Variants in ABCC1 observed in about 807,000 individuals in gnomAD.
ABCC1 encodes multidrug resistance-associated protein 1.
ABCC1 carries 83 observed loss-of-function variants against 172.9 expected under a neutral mutation model. The observed-to-expected ratio is 0.48, with a 90% CI of 0.40 to 0.58. ABCC1 has a LOEUF of 0.58. Among genes scored for constraint, ABCC1 ranks in the 20% least tolerant of loss-of-function variants. The pLI is 0.00. For missense variants in ABCC1, 1,817 were observed against 2,002.7 expected (o/e 0.91, Z 1.77); for synonymous variants, 937 against 825.2 (o/e 1.14, Z -2.32).
intron 17 of ABCC1, among the ~76,000 whole-genome samples, chr16:16,085,381 T>A (rs1368784294): frequency 6.6e-6 from 1 of 152,262 alleles, no homozygotes; most frequent in Non-Finnish European, 1.5e-5. Context: ...TGCAAAGCAC[T>A]GGCCCATTTC....
At chr16:16,122,499 C>T (rs1380235952) in intron 24 of ABCC1, among the ~76,000 whole-genome samples, 2 of 152,112 alleles carry the variant, frequency 1.3e-5, no homozygotes, top group Non-Finnish European at 2.9e-5. Context: ...TATCTTCATA[C>T]CGCTGTTCCC....
At chr16:15,949,611 G>GTGCCGCCGC (rs1555470981), upstream of ABCC1, 83 of 163,584 alleles carry the variant, frequency 5.1e-4, 2 homozygotes, top group Middle Eastern at 7.7e-3. Context: ...CCGGCTCCCT[G>GTGCCGCCGC]CGCCGCCGCC....
At chr16:16,007,526 T>A (rs2047589910) in intron 1 of ABCC1, among the ~76,000 whole-genome samples, 1 of 152,202 alleles carries the variant, frequency 6.6e-6, no homozygotes, top group Admixed American at 6.5e-5. Context: ...ACCTGACCTG[T>A]ATGCTCCTGT....
At position 16,036,353 on chromosome 16, in the gene ABCC1, G is replaced by A. The variant is rs538406569; in HGVS notation, c.678-119G>A. On this transcript the variant is annotated intron_variant, in intron 6 of 30. Transcript: ENST00000399410. Reference sequence around the variant, plus strand: ...CTGCATGGCTGCCTTCATTTGCAGCGGGCAGCTGTGCTGCAGAGGGGAGCA... The same window carrying A: ...CTGCATGGCTGCCTTCATTTGCAGCAGGCAGCTGTGCTGCAGAGGGGAGCA... The A allele has an allele frequency of 2.3e-4, 202 of 885,238 alleles. No homozygotes were observed. In the African/African-American group the frequency reaches 2.6e-3, roughly 11 times the overall value. 54.8% of individuals were successfully genotyped at this position (885,238 alleles called of 1,614,324 possible). A position where few individuals can be genotyped will look rare whatever the true frequency, so the allele number is the denominator to read the frequency against.
At chr16:15,965,286 T>A (rs1316040126) in intron 1 of ABCC1, among the ~76,000 whole-genome samples, 1 of 135,778 alleles carries the variant, frequency 7.4e-6, no homozygotes, top group Non-Finnish European at 1.5e-5. Context: ...TTCTTTCTCC[T>A]TTTTTTTTTT....
At chr16:16,074,291 C>T (rs746535644) in intron 14 of ABCC1, among the ~76,000 whole-genome samples, 13 of 152,112 alleles carry the variant, frequency 8.5e-5, no homozygotes, top group Admixed American at 2.6e-4. Flanking sequence ...AGTTGAGAAC[C>T]GTGGCCCAAG....
At chr16:15,994,512 A>T (rs1361645516) in intron 1 of ABCC1, among the ~76,000 whole-genome samples, 1 of 152,166 alleles carries the variant, frequency 6.6e-6, no homozygotes, top group East Asian at 1.9e-4. Context: ...GGCTGTTATT[A>T]TTGGCACCCA....
At chr16:16,107,369 A>C (rs2052173636) in intron 21 of ABCC1, among the ~76,000 whole-genome samples, 2 of 152,144 alleles carry the variant, frequency 1.3e-5, no homozygotes, top group Admixed American at 1.3e-4. Flanking sequence ...GGCTCACTAC[A>C]ACCTCTGCCT....
intron 21 of ABCC1, among the ~76,000 whole-genome samples, chr16:16,110,994 C>T (rs1310683843): frequency 1.3e-5 from 2 of 152,182 alleles, no homozygotes; most frequent in Admixed American, 1.3e-4. Context: ...ACCTCTGCCT[C>T]CTGGGTTCGA....
chr16:16,116,059 C>T (rs1040044740), intron 23 of ABCC1, among the ~76,000 whole-genome samples: 8 of 152,176 alleles, frequency 5.3e-5, no homozygotes, highest in South Asian at 4.2e-4. Context: ...CCCGCCACTA[C>T]GCCCAGCTAA....
At chr16:16,124,695 A>T (rs943145466) in intron 24 of ABCC1, 94 bp from the exon 25 acceptor site, 32 of 1,562,596 alleles carry the variant, frequency 2.0e-5, no homozygotes, top group Non-Finnish European at 2.7e-5. Context: ...TACTTGAGTT[A>T]GCAAAGAATC....
intron 7 of ABCC1, among the ~76,000 whole-genome samples, chr16:16,040,296 TG>T (rs913000119): frequency 6.6e-6 from 1 of 151,890 alleles, no homozygotes; most frequent in African/African-American, 2.4e-5. Context: ...ATTTTATATT[TG>T]TTTTTTTGAG....
chr16:16,104,209 T>C (rs1472274383), intron 20 of ABCC1, among the ~76,000 whole-genome samples: 1 of 152,120 alleles, frequency 6.6e-6, no homozygotes, highest in African/African-American at 2.4e-5. Context: ...TTCCACAGTT[T>C]GGAAGGGTAC....
intron 1 of ABCC1, among the ~76,000 whole-genome samples, chr16:15,999,390 C>G (rs1422929623): frequency 6.6e-6 from 1 of 151,734 alleles, no homozygotes; most frequent in Non-Finnish European, 1.5e-5. Context: ...CTGAGGTGGG[C>G]GGATCACCTG....
chr16:16,056,548 A>G (rs985881793), intron 12 of ABCC1: 14 of 516,020 alleles, frequency 2.7e-5, no homozygotes, highest in Admixed American at 1.3e-4. Context: ...GCATGCCTGT[A>G]GTCCCAGCTA....
At chr16:16,071,059 G>A (rs1428242710) in intron 13 of ABCC1, among the ~76,000 whole-genome samples, 1 of 151,890 alleles carries the variant, frequency 6.6e-6, no homozygotes. Context: ...CCAGGCCTCT[G>A]CCCTTTTCTT....
At chr16:16,033,203 G>C in intron 6 of ABCC1, 33 bp downstream of exon 6, 1 of 1,590,366 alleles carries the variant, frequency 6.3e-7, no homozygotes, top group Non-Finnish European at 8.6e-7. Flanking sequence ...TCAGGGAGGT[G>C]GTGGGGAGTG....
Position 16,009,840 on chromosome 16 carries a change from G to C in ABCC1, c.290G>C (p.Ser97Thr), listed in dbSNP as rs1412137426. ...ADLFYSFWERSRGIFLAPVFL... is the reference protein window; with the variant it reads ...ADLFYSFWERTRGIFLAPVFL... ...CTCTTCTACTCTTTCTGGGAAAGAA[G>C]TCGGGGCATATTCCTGGCCCCAGTG... The change falls in exon 3 of 31, where the codon AGT becomes ACT. Residue 97 changes from serine (S) to threonine (T), a missense_variant. Physicochemically the swap from Ser to Thr is moderately conservative, Grantham distance 58. Around this residue, in one of 3 missense-constraint regions of ABCC1, gnomAD observed 398 missense variants for 384.2 expected, o/e 1.04. Coordinates refer to ENST00000399410, the MANE Select transcript of ABCC1 (RefSeq NM_004996.4). 1.2e-6 allele frequency: 2 copies of C among 1,612,002 alleles called. No homozygotes were observed. The highest frequency in any genetic ancestry group is 4.5e-5 in the East Asian group (2 of 44,748).
chr16:16,052,686 G>A (rs761649104), intron 10 of ABCC1, 38 bp from the exon 11 acceptor site: 4 of 1,603,434 alleles, frequency 2.5e-6, no homozygotes, highest in Non-Finnish European at 2.6e-6. Flanking sequence ...GTTTTCTTCT[G>A]TCTGGTGAGT....
Sources: allele counts gnomAD v4.1 joint callset (sites outside exome capture counted in the v4.1 genomes callset), GRCh38; gene constraint gnomAD v4.1.1; regional missense constraint gnomAD v4.1.1; transcripts MANE v1.5; gene names NCBI Gene and HGNC (gene_info 2026-07-23, HGNC 2026-07-21).